RANBP2: variants seen among roughly 807,000 people sequenced by gnomAD.
RANBP2 encodes the protein E3 SUMO-protein ligase RanBP2.
Under a neutral mutation model 303.6 loss-of-function variants are expected in RANBP2, and 57 were observed. The observed-to-expected ratio is 0.19, with a 90% CI of 0.15 to 0.23. The LOEUF is 0.23. Ranked by LOEUF, RANBP2 falls within the 10% of genes least tolerant of loss-of-function variation. The pLI is 1.00. For synonymous variants in RANBP2, 1,167 were observed against 1,301.5 expected, an observed-to-expected ratio of 0.90 and a Z score of 2.23; for missense variants, 3,138 against 3,780.8, an observed-to-expected ratio of 0.83 and a Z score of 4.46.
the RANBP2 span, among the ~76,000 whole-genome samples, chr2:109,433,102 C>T: frequency 1.8e-4 from 28 of 152,266 alleles, 1 homozygote; most frequent in Admixed American, 3.9e-4. Context: ...GTGCAGTGTG[C>T]GTGCCTGTGC....
the RANBP2 span, among the ~76,000 whole-genome samples, chr2:108,836,051 A>G: frequency 3.3e-5 from 5 of 152,182 alleles, no homozygotes; most frequent in Admixed American, 3.3e-4. Flanking sequence ...TGACGTAAAC[A>G]CTTCCCAGTA....
At chr2:109,130,089 C>T in the RANBP2 span, 26 of 1,358,474 alleles carry the variant, frequency 1.9e-5, no homozygotes, top group Middle Eastern at 2.7e-4. Flanking sequence ...AGCTGGCGAC[C>T]AGCAGGACCG....
chr2:109,157,694 A>G, the RANBP2 span, among the ~76,000 whole-genome samples: 1 of 152,324 alleles, frequency 6.6e-6, no homozygotes, highest in African/African-American at 2.4e-5. Context: ...TGCCTGTTTT[A>G]TCACCTACAA....
chr2:109,178,804 A>G, the RANBP2 span, among the ~76,000 whole-genome samples: 1 of 152,224 alleles, frequency 6.6e-6, no homozygotes, highest in Non-Finnish European at 1.5e-5. Context: ...AAAATGTTTA[A>G]TGAGCAAAAT....
the RANBP2 span, among the ~76,000 whole-genome samples, chr2:109,593,946 A>T: frequency 2.6e-5 from 4 of 152,168 alleles, no homozygotes; most frequent in Non-Finnish European, 4.4e-5. Context: ...TAATCCTTAC[A>T]ATACATCTGA....
chr2:108,833,210 T>C, the RANBP2 span, among the ~76,000 whole-genome samples: 2 of 152,238 alleles, frequency 1.3e-5, no homozygotes, highest in African/African-American at 4.8e-5. Flanking sequence ...ATCTGTAGAC[T>C]ATACAACAGA....
At chr2:109,301,460 C>A in the RANBP2 span, among the ~76,000 whole-genome samples, 2 of 152,150 alleles carry the variant, frequency 1.3e-5, no homozygotes, top group African/African-American at 4.8e-5. Context: ...GGCCCCTTCG[C>A]TGTTTGATGG....
chr2:108,902,122 C>T, the RANBP2 span, among the ~76,000 whole-genome samples: 1 of 151,924 alleles, frequency 6.6e-6, no homozygotes, highest in Non-Finnish European at 1.5e-5. Flanking sequence ...CATGTAATCC[C>T]AGCTACCCAG....
the RANBP2 span, chr2:108,908,001 G>A: frequency 3.0e-5 from 48 of 1,609,662 alleles, no homozygotes; most frequent in African/African-American, 1.6e-4. Flanking sequence ...GCTCATTCTC[G>A]GATGAGGCAT....
chr2:109,347,671 C>T, the RANBP2 span: 2 of 1,612,582 alleles, frequency 1.2e-6, no homozygotes, highest in Non-Finnish European at 1.7e-6. Flanking sequence ...CTGTTGCTTG[C>T]AGAATCCCTG....
the RANBP2 span, among the ~76,000 whole-genome samples, chr2:109,683,448 G>A: frequency 2.6e-5 from 4 of 152,134 alleles, 1 homozygote; most frequent in Admixed American, 1.3e-4. Flanking sequence ...TGAACCTTCT[G>A]GGGGTGAAGA....
chr2:109,153,717 C>T, the RANBP2 span, among the ~76,000 whole-genome samples: 3 of 152,312 alleles, frequency 2.0e-5, no homozygotes, highest in African/African-American at 7.2e-5. Context: ...GTGTACTTGT[C>T]TGCTGTGCGT....
the RANBP2 span, chr2:109,128,620 G>C: frequency 6.5e-6 from 1 of 154,796 alleles, no homozygotes; most frequent in African/African-American, 2.4e-5. Context: ...TTCTCGGAAA[G>C]GAGTCTGAAC....
At chr2:109,237,507 G>A in the RANBP2 span, among the ~76,000 whole-genome samples, 38 of 152,328 alleles carry the variant, frequency 2.5e-4, no homozygotes, top group African/African-American at 5.5e-4. Flanking sequence ...TGTCCAACCC[G>A]CGGCCTGCAG....
chr2:108,866,037 G>T, the RANBP2 span, among the ~76,000 whole-genome samples: 1 of 152,172 alleles, frequency 6.6e-6, no homozygotes, highest in Non-Finnish European at 1.5e-5. Flanking sequence ...TGTGCAAGAG[G>T]ACTATGGTAG....
chr2:109,125,240 G>T, the RANBP2 span, among the ~76,000 whole-genome samples: 14 of 152,308 alleles, frequency 9.2e-5, no homozygotes, highest in East Asian at 2.7e-3. Flanking sequence ...CCAGAGTGTG[G>T]TGGGGGAGGG....
the RANBP2 span, among the ~76,000 whole-genome samples, chr2:109,137,783 T>C: frequency 1.3e-5 from 2 of 152,222 alleles, no homozygotes; most frequent in Non-Finnish European, 2.9e-5. Context: ...GTTCAAAGAC[T>C]AATCGGTTAA....
chr2:109,347,737 C>T, the RANBP2 span: 3 of 1,613,912 alleles, frequency 1.9e-6, no homozygotes, highest in African/African-American at 1.3e-5. Flanking sequence ...ACCTGGTGAC[C>T]TCAAGTTCAA....
chr2:108,768,538 A>G (rs1677274934), intron 20 of RANBP2, 150 bp downstream of exon 20: 19 of 1,435,574 alleles, frequency 1.3e-5, no homozygotes, highest in Middle Eastern at 2.5e-4. Context: ...TTCTCCCTTA[A>G]TAAGTTCACG....
Sources: gnomAD v4.1 joint callset for allele counts (sites outside exome capture counted in the v4.1 genomes callset) on GRCh38, gnomAD v4.1.1 for gene constraint, MANE v1.5 for transcripts, NCBI Gene and HGNC (gene_info 2026-07-23, HGNC 2026-07-21) for gene names.